The following ARID2 variants were observed in gnomAD, a reference collection of about 807,000 sequenced individuals.
ARID2 encodes AT-rich interaction domain 2.
Under a neutral mutation model 184.6 loss-of-function variants are expected in ARID2, and 32 were observed. The observed-to-expected ratio is 0.17, with a 90% CI of 0.13 to 0.23. The LOEUF (loss-of-function observed/expected upper bound fraction) is 0.23, where lower values mean the gene tolerates loss of function less well. ARID2 is among the 10% of genes least tolerant of loss of function. ARID2 has a pLI of 1.00. For missense variants in ARID2, 1,696 were observed against 2,197.6 expected (o/e 0.77, Z 4.56); for synonymous variants, 836 against 772.6 (o/e 1.08, Z -1.36).
In ARID2 at chr12:45,852,565, A is replaced by C. The variant is rs780297425; in HGVS notation, c.4442A>C (p.His1481Pro). 1 of 1,614,186 alleles carries C rather than the reference A, an allele frequency of 6.2e-7. No individual in the cohort carries two copies. Among genetic ancestry groups the C allele is most frequent in the South Asian group, 1.1e-5 (1 of 91,086 alleles). ...PHSTTSVIQG[H>P]QIIAVPDSGS... ...TCTACAACCTCTGTTATACAGGGAC[A>C]TCAAATCATAGCAGTTCCCGACTCA... is the stretch of plus-strand genomic sequence containing the variant. The change falls in exon 15 of 21, where the codon CAT (histidine) becomes CCT (proline). Residue 1481 changes from histidine to proline, a missense_variant. Physicochemically the swap from His to Pro is moderately conservative, Grantham distance 77 (BLOSUM62 -2). Transcript: ENST00000334344.
intron 3 of ARID2, among the ~76,000 whole-genome samples, chr12:45,755,716 C>G (rs1399362513): frequency 3.9e-5 from 6 of 152,148 alleles, no homozygotes; most frequent in African/African-American, 1.4e-4. Flanking sequence ...AACTTCATCT[C>G]TGAGCTCACT....
At chr12:45,837,064 A>AT in intron 8 of ARID2, 73 bp downstream of exon 8, 1 of 1,525,246 alleles carries the variant, frequency 6.6e-7, no homozygotes, top group Non-Finnish European at 8.8e-7. Flanking sequence ...AGGATGTGGC[A>AT]TTTTATAGTT....
intron 6 of ARID2, among the ~76,000 whole-genome samples, chr12:45,828,183 ACTT>A (rs999548518): frequency 6.6e-6 from 1 of 151,876 alleles, no homozygotes. Context: ...CCTTTCAGTC[ACTT>A]CTTCATTCAC....
rs1044133536 is a variant in ARID2 at position 45,907,538 on chromosome 12, C to A, written c.*2460C>A. Reference sequence around the variant, plus strand: ...ATGCGTTTGACCTAATGAAACTGATCATGGCTTCCCACTTAGGTTTTTCTT... The same window carrying A: ...ATGCGTTTGACCTAATGAAACTGATAATGGCTTCCCACTTAGGTTTTTCTT... On this transcript the variant is annotated 3_prime_UTR_variant, in exon 21 of 21. Transcript: ENST00000334344. 1 of 233,084 alleles carries A rather than the reference C, an allele frequency of 4.3e-6. No individual in the cohort carries two copies. Among genetic ancestry groups the A allele is most frequent in the African/African-American group, 2.2e-5 (1 of 45,292 alleles). 14.4% of individuals were successfully genotyped at this position (233,084 alleles called of 1,614,324 possible).
chr12:45,870,647 A>AT (rs992359066), intron 16 of ARID2, among the ~76,000 whole-genome samples: 14 of 151,418 alleles, frequency 9.2e-5, no homozygotes, highest in South Asian at 4.2e-4. Flanking sequence ...GCAGCCACTC[A>AT]TTTTTTTTAC....
chr12:45,815,701 G>A (rs567135846), intron 4 of ARID2, among the ~76,000 whole-genome samples: 59 of 151,868 alleles, frequency 3.9e-4, no homozygotes, highest in Non-Finnish European at 6.6e-4. Flanking sequence ...TCACTTCGTC[G>A]CTCAGGCTGG....
chr12:45,867,522 C>T (rs991734786), intron 16 of ARID2, among the ~76,000 whole-genome samples: 1 of 150,148 alleles, frequency 6.7e-6, no homozygotes, highest in Non-Finnish European at 1.5e-5. Flanking sequence ...GCGGGCTGAT[C>T]GTGAGGTCAG....
rs1310164741 is a variant in ARID2, at chr12:45,906,288, G to GTA, written c.*1211_*1212dup. On this transcript the variant is annotated 3_prime_UTR_variant, in exon 21 of 21. Transcript: ENST00000334344. ...GTATTATTCTTCCATTCTTAATACT[G>GTA]TACCACATTCCTGCTCAGAAACTGC... The GTA allele has an allele frequency of 1.3e-5, 3 of 232,830 alleles. No homozygotes were observed. Among genetic ancestry groups the GTA allele is most frequent in the African/African-American group, 6.6e-5 (3 of 45,238 alleles). The allele number at this position is 232,830 out of a possible 1,614,324, so 14.4% of individuals were successfully genotyped here. A position where few individuals can be genotyped will look rare whatever the true frequency, so the allele number is the denominator to read the frequency against.
chr12:45,866,857 T>C (rs1336721388), intron 16 of ARID2, among the ~76,000 whole-genome samples: 1 of 152,194 alleles, frequency 6.6e-6, no homozygotes, highest in African/African-American at 2.4e-5. Context: ...CAAAGTCCAT[T>C]GTTTACATTA....
At chr12:45,833,811 T>G (rs1435664572) in intron 6 of ARID2, among the ~76,000 whole-genome samples, 1 of 152,236 alleles carries the variant, frequency 6.6e-6, no homozygotes, top group Non-Finnish European at 1.5e-5. Flanking sequence ...TCTCTCCAGT[T>G]TTTTGACTAG....
intron 16 of ARID2, chr12:45,874,278 C>T (rs747855865): frequency 6.3e-6 from 1 of 157,938 alleles, no homozygotes; most frequent in African/African-American, 2.4e-5. Context: ...AGGATAGTGC[C>T]TGTAAATAGC....
chr12:45,781,195 T>C (rs139783830), intron 3 of ARID2, among the ~76,000 whole-genome samples: 5 of 150,276 alleles, frequency 3.3e-5, no homozygotes, highest in Non-Finnish European at 7.4e-5. Flanking sequence ...AATTTAGTTC[T>C]AGCTTAGACT....
chr12:45,850,046 T>C lies in ARID2; in HGVS notation c.1923T>C (p.His641=). ...SPAPSPAGIP[H]GSQTIGNHFQ... is the part of the protein sequence containing the mutation. ...TCTTCATATTTTCAGGAATCCCTCA[T>C]GGATCACAAACCATAGGAAACCATT... The change falls in exon 15 of 21, where the codon CAT becomes CAC. Residue 641 remains histidine (H), a synonymous_variant. Coordinates refer to ENST00000334344, the MANE Select transcript of ARID2 (RefSeq NM_152641.4). 4.4e-6 allele frequency: 7 copies of C among 1,605,892 alleles called. No individual in the cohort carries two copies. Among genetic ancestry groups the C allele is most frequent in the Non-Finnish European group, 6.0e-6 (7 of 1,175,262 alleles).
chr12:45,832,082 A>G (rs1156885627), intron 6 of ARID2, among the ~76,000 whole-genome samples: 1 of 151,994 alleles, frequency 6.6e-6, no homozygotes, highest in Non-Finnish European at 1.5e-5. Flanking sequence ...GCCCATTTAC[A>G]CTTTAGGAAA....
At position 45,850,471 on chromosome 12, in the gene ARID2, T is replaced by C. The variant is rs1456921144; in HGVS notation, c.2348T>C (p.Ile783Thr). ...SPLHTVVPGQ[I>T]PSGTPVTVIQ... is the part of the protein sequence containing the mutation. ...TTACACACAGTGGTACCAGGACAGATCCCTTCAGGCACTCCTGTTACAGTA... is the reference window on the plus strand; with the variant it reads ...TTACACACAGTGGTACCAGGACAGACCCCTTCAGGCACTCCTGTTACAGTA... The change falls in exon 15 of 21, where the codon ATC becomes ACC. Residue 783 changes from isoleucine (I) to threonine (T), a missense_variant. This residue lies in a region of ARID2 where 713 missense variants were observed against 824.4 expected (regional missense o/e 0.86). Transcript: ENST00000334344. The C allele has an allele frequency of 1.2e-6, 2 of 1,613,840 alleles. No homozygotes were observed. Among genetic ancestry groups the C allele is most frequent in the African/African-American group, 2.7e-5 (2 of 74,892 alleles).
At chr12:45,839,647 T>A (rs1011935828) in intron 11 of ARID2, 151 bp downstream of exon 11, 18 of 790,088 alleles carry the variant, frequency 2.3e-5, no homozygotes, top group Non-Finnish European at 3.4e-5. Context: ...ATTTCTTAGA[T>A]ATTATACATT....
chr12:45,835,189 A>G (rs995794075), intron 6 of ARID2, among the ~76,000 whole-genome samples: 2 of 152,148 alleles, frequency 1.3e-5, no homozygotes, highest in African/African-American at 4.8e-5. Flanking sequence ...TTTCAGTTGT[A>G]GAATTTCTTT....
At chr12:45,892,864 A>G (rs1231493208) in intron 18 of ARID2, among the ~76,000 whole-genome samples, 4 of 152,132 alleles carry the variant, frequency 2.6e-5, no homozygotes, top group Non-Finnish European at 5.9e-5. Context: ...TAGTGAAAGG[A>G]TTGATTGAAA....
intron 3 of ARID2, among the ~76,000 whole-genome samples, chr12:45,761,362 T>C (rs1468993): frequency 0.58 from 88,285 of 152,098 alleles, 26,581 homozygotes; most frequent in African/African-American, 0.75. Flanking sequence ...TATTTCTTTT[T>C]TGACTAGATT....
Sources: allele counts gnomAD v4.1 joint callset (sites outside exome capture counted in the v4.1 genomes callset), GRCh38; gene constraint gnomAD v4.1.1; regional missense constraint gnomAD v4.1.1; transcripts MANE v1.5; gene names NCBI Gene and HGNC (gene_info 2026-07-23, HGNC 2026-07-21).